The following DNAH6 variants were observed in gnomAD, a reference collection of about 807,000 sequenced individuals.
DNAH6 encodes the protein dynein axonemal heavy chain 6, also known as axonemal beta dynein heavy chain 6.
DNAH6 carries 340 observed loss-of-function variants against 491.4 expected under a neutral mutation model. The ratio of observed to expected loss-of-function variants is 0.69; its 90% CI spans 0.63 to 0.76. DNAH6 has a LOEUF of 0.76. Among genes scored for constraint, DNAH6 ranks in the 30% least tolerant of loss-of-function variants. DNAH6 has a pLI of 0.00. For synonymous variants in DNAH6, 1,603 were observed against 1,686.1 expected, an observed-to-expected ratio of 0.95 and a Z score of 1.21; for missense variants, 4,443 against 4,972.2, an observed-to-expected ratio of 0.89 and a Z score of 3.20.
chr2:84,521,235 C>A (rs934220471), intron 2 of DNAH6, among the ~76,000 whole-genome samples: 3 of 151,736 alleles, frequency 2.0e-5, no homozygotes, highest in African/African-American at 4.8e-5. Context: ...TGATATTGAG[C>A]TTTTTTTCAT....
At chr2:84,531,249 C>T (rs1677142417) in intron 4 of DNAH6, among the ~76,000 whole-genome samples, 1 of 152,000 alleles carries the variant, frequency 6.6e-6, no homozygotes, top group Non-Finnish European at 1.5e-5. Context: ...GAATGGGAGG[C>T]AGGTTTGCCA....
At chr2:84,571,250 C>A (rs1318585937) in intron 11 of DNAH6, among the ~76,000 whole-genome samples, 2 of 152,068 alleles carry the variant, frequency 1.3e-5, no homozygotes, top group Non-Finnish European at 2.9e-5. Flanking sequence ...CAGCAATCAC[C>A]AAGAATCTCT....
chr2:84,524,712 T>A (rs897084267), intron 2 of DNAH6, among the ~76,000 whole-genome samples: 1 of 152,122 alleles, frequency 6.6e-6, no homozygotes, highest in Non-Finnish European at 1.5e-5. Context: ...TTTCCAAATG[T>A]GCATTAATCT....
At chr2:84,705,404 A>G in intron 51 of DNAH6, 82 bp from the exon 52 acceptor site, 3 of 1,276,322 alleles carry the variant, frequency 2.4e-6, no homozygotes, top group African/African-American at 1.5e-5. Context: ...GGATAATATC[A>G]TAATGTTCTC....
intron 61 of DNAH6, among the ~76,000 whole-genome samples, chr2:84,732,836 G>A (rs757087048): frequency 2.0e-5 from 3 of 152,176 alleles, no homozygotes; most frequent in Admixed American, 6.5e-5. Flanking sequence ...AAATATTCAG[G>A]AAATTTTGAA....
intron 63 of DNAH6, among the ~76,000 whole-genome samples, chr2:84,758,725 T>C (rs1674289877): frequency 6.6e-6 from 1 of 152,154 alleles, no homozygotes; most frequent in South Asian, 2.1e-4. Context: ...CAGAAAAGCA[T>C]TGATAAAATT....
At chr2:84,571,238 A>G (rs1259097347) in intron 11 of DNAH6, among the ~76,000 whole-genome samples, 1 of 152,002 alleles carries the variant, frequency 6.6e-6, no homozygotes, top group Non-Finnish European at 1.5e-5. Flanking sequence ...TACAGAAGCC[A>G]TCAGCAATCA....
At position 84,699,945 on chromosome 2, in the gene DNAH6, G is replaced by T. The variant is rs370518970; in HGVS notation, c.7818+211G>T. On this transcript the variant is annotated intron_variant, in intron 48 of 76. Transcript: ENST00000389394. ...GACCATTGAATTTAGCAATGTGGAA[G>T]TTATCAGCTATCTTGACAAAATCTG... Among the ~76,000 whole-genome samples, 493 of 114,538 alleles carry T rather than the reference G, an allele frequency of 4.3e-3. 4 individuals are homozygous for T. The highest frequency in any genetic ancestry group is 0.022 in the African/African-American group (469 of 21,096). The allele number at this position is 114,538 out of a possible 152,430, so 75.1% of individuals were successfully genotyped here.
intron 17 of DNAH6, among the ~76,000 whole-genome samples, chr2:84,595,338 G>A (rs1684479024): frequency 1.3e-5 from 2 of 152,148 alleles, no homozygotes; most frequent in Admixed American, 1.3e-4. Context: ...ACTACTAGGT[G>A]AGAAATTTCT....
At chr2:84,472,842 G>A in the DNAH6 span, among the ~76,000 whole-genome samples, 22 of 152,156 alleles carry the variant, frequency 1.4e-4, no homozygotes, top group African/African-American at 5.3e-4. Flanking sequence ...ACTGCTTGCT[G>A]TAAAGAATGA....
At chr2:84,637,763 C>A (rs907264435) in intron 31 of DNAH6, among the ~76,000 whole-genome samples, 1 of 152,118 alleles carries the variant, frequency 6.6e-6, no homozygotes, top group Non-Finnish European at 1.5e-5. Context: ...TAAGTAGAAG[C>A]CTCCTCACTA....
intron 60 of DNAH6, among the ~76,000 whole-genome samples, chr2:84,727,277 AG>A (rs951124622): frequency 6.6e-6 from 1 of 152,130 alleles, no homozygotes; most frequent in Non-Finnish European, 1.5e-5. Flanking sequence ...TAGGAGAGAA[AG>A]GGGAGTGTAG....
At chr2:84,777,532 A>G (rs888634177) in intron 64 of DNAH6, 7 of 754,654 alleles carry the variant, frequency 9.3e-6, no homozygotes, top group Non-Finnish European at 1.7e-5. Context: ...TGATCACCTC[A>G]TAAGCACTCT....
intron 4 of DNAH6, among the ~76,000 whole-genome samples, chr2:84,537,597 A>G (rs949180241): frequency 6.6e-6 from 1 of 152,088 alleles, no homozygotes; most frequent in African/African-American, 2.4e-5. Flanking sequence ...ATGGATGCCA[A>G]ATAGAAGTAT....
chr2:84,808,691 T>C (rs1679676144), intron 72 of DNAH6, 149 bp downstream of exon 72: 3 of 742,016 alleles, frequency 4.0e-6, no homozygotes, highest in Middle Eastern at 6.7e-4. Context: ...AAAATGAATT[T>C]ATCCTTCTCT....
rs780789642 is a variant in DNAH6, at chr2:84,604,377, G to A, written c.2907G>A (p.Lys969=). The A allele has an allele frequency of 3.4e-5, 52 of 1,552,194 alleles. No homozygotes were observed. In the Middle Eastern group the frequency reaches 6.7e-4, roughly 20 times the overall value. Residue 969 remains lysine, a synonymous_variant, in exon 19 of 77, where the codon AAG becomes AAA. Transcript: ENST00000389394. ...TTGACTTGAGGAACCCGACTTTGAAGGCAAGACATTGGGCAGCTATTGAAC... is the reference window on the plus strand; with the variant it reads ...TTGACTTGAGGAACCCGACTTTGAAAGCAAGACATTGGGCAGCTATTGAAC... ...VIIDLRNPTL[K]ARHWAAIEQT... is the part of the protein sequence containing the mutation.
At chr2:84,675,095 T>A (rs190713633) in intron 40 of DNAH6, among the ~76,000 whole-genome samples, 1 of 152,338 alleles carries the variant, frequency 6.6e-6, no homozygotes, top group East Asian at 1.9e-4. Flanking sequence ...CAAATAGCCT[T>A]GCTCACAGGG....
intron 18 of DNAH6, among the ~76,000 whole-genome samples, chr2:84,602,301 G>C (rs1685325347): frequency 1.3e-5 from 2 of 151,908 alleles, no homozygotes; most frequent in Non-Finnish European, 2.9e-5. Context: ...TTTTTATTTT[G>C]AGGAAGTCTT....
In DNAH6 at chr2:84,636,401, A is replaced by G. The variant is rs532295046; in HGVS notation, c.4654-809A>G. ...TCAGGTCCCAAGCAGGTTGTCTACT[A>G]CCCCCATGGGCTTTGCACACACCTG... On this transcript the variant is annotated intron_variant, in intron 30 of 76. Coordinates refer to ENST00000389394, the MANE Select transcript of DNAH6 (RefSeq NM_001370.2). Among the ~76,000 whole-genome samples, 5 of 151,962 alleles carry G rather than the reference A, an allele frequency of 3.3e-5. No homozygotes were observed. In the South Asian group the frequency reaches 1.0e-3, roughly 32 times the overall value.
Sources: gnomAD v4.1 joint callset for allele counts (sites outside exome capture counted in the v4.1 genomes callset) on GRCh38, gnomAD v4.1.1 for gene constraint, MANE v1.5 for transcripts, NCBI Gene and HGNC (gene_info 2026-07-23, HGNC 2026-07-21) for gene names.